Variants in ADAMTSL1 observed in about 807,000 individuals in gnomAD.
ADAMTSL1 encodes ADAMTS-like protein 1.
In ADAMTSL1, 126 loss-of-function variants were observed where a neutral mutation model predicts 201.8. The ratio of observed to expected loss-of-function variants is 0.62; its 90% CI spans 0.54 to 0.72. The LOEUF (loss-of-function observed/expected upper bound fraction) is 0.72. Ranked by LOEUF, ADAMTSL1 falls within the 30% of genes least tolerant of loss-of-function variation. The probability of loss-of-function intolerance (pLI) is 0.00; values close to 1 mark genes in which losing one functional copy is unlikely to be tolerated. For missense variants in ADAMTSL1, 2,679 were observed against 2,277.8 expected, an observed-to-expected ratio of 1.18 and a Z score of -3.59; for synonymous variants, 1,121 against 903.4, an observed-to-expected ratio of 1.24 and a Z score of -4.32.
intron 4 of ADAMTSL1, among the ~76,000 whole-genome samples, chr9:18,612,617 G>T (rs1022617356): frequency 6.6e-6 from 1 of 152,106 alleles, no homozygotes; most frequent in Admixed American, 6.6e-5. Context: ...ACAAGCAATG[G>T]GGAAAGGATT....
At position 18,888,160 on chromosome 9, in the gene ADAMTSL1, A is replaced by G. The variant is rs1348031911; in HGVS notation, c.4462+117A>G. On this transcript the variant is annotated intron_variant, in intron 24 of 28. Coordinates refer to ENST00000380548, the MANE Select transcript of ADAMTSL1 (RefSeq NM_001040272.6). ...CTCCAGTGGTACTCAAGGCATGAAA[A>G]CCAAAGCCATGCCATGTTTCCATAC... 1.1e-5 allele frequency: 12 copies of G among 1,080,320 alleles called. No individual in the cohort carries two copies. In the African/African-American group the frequency reaches 1.7e-4, roughly 16 times the overall value. 66.9% of individuals were successfully genotyped at this position (1,080,320 alleles called of 1,614,324 possible).
chr9:18,232,740 A>G (rs552474930), intron 2 of ADAMTSL1, among the ~76,000 whole-genome samples: 100 of 152,304 alleles, frequency 6.6e-4, no homozygotes, highest in Non-Finnish European at 1.1e-3. Context: ...TTCTGTATGT[A>G]CATGACAGCA....
At chr9:18,684,958 G>T in intron 13 of ADAMTSL1, 158 bp downstream of exon 13, 1 of 1,393,126 alleles carries the variant, frequency 7.2e-7, no homozygotes, top group Non-Finnish European at 9.3e-7. Flanking sequence ...GTTTCAAAAA[G>T]TGTTTGTCAA....
intron 2 of ADAMTSL1, among the ~76,000 whole-genome samples, chr9:18,441,505 T>G (rs1376871667): frequency 6.6e-6 from 1 of 152,004 alleles, no homozygotes; most frequent in Non-Finnish European, 1.5e-5. Context: ...GATCCAGTGC[T>G]TTTTTTCTGT....
At chr9:18,637,062 TATAA>T (rs139687725) in intron 6 of ADAMTSL1, among the ~76,000 whole-genome samples, 2,753 of 152,238 alleles carry the variant, frequency 0.018, 96 homozygotes, top group African/African-American at 0.062. Context: ...TCTTTCTAGA[TATAA>T]AAATAAATAC....
chr9:18,317,392 C>CAA lies in ADAMTSL1; in HGVS notation c.207+153412_207+153413dup, dbSNP rs1343821190. 4.9e-5 allele frequency among the ~76,000 whole-genome samples: 5 copies of CAA among 102,998 alleles called. No individual in the cohort carries two copies. The East Asian group carries it at 1.5e-3, about 31-fold the overall frequency. The allele number at this position is 102,998 out of a possible 152,430, so 67.6% of individuals were successfully genotyped here. ...TAAGAAAGTGTATCTTAAGTGTCCT[C>CAA]AACACACACACACACACACACACAC... On this transcript the variant is annotated intron_variant, in intron 2 of 29. Coordinates refer to the ADAMTSL1 transcript ENST00000680146.
At chr9:18,130,529 G>A (rs1825907514) in intron 1 of ADAMTSL1, among the ~76,000 whole-genome samples, 1 of 151,984 alleles carries the variant, frequency 6.6e-6, no homozygotes, top group Non-Finnish European at 1.5e-5. Context: ...TCCAAGGAGG[G>A]TCCAGACTTT....
At chr9:18,136,297 T>G (rs1350196114) in intron 1 of ADAMTSL1, among the ~76,000 whole-genome samples, 2 of 152,190 alleles carry the variant, frequency 1.3e-5, no homozygotes, top group Non-Finnish European at 2.9e-5. Flanking sequence ...TGCTCCCAGA[T>G]GATTTCAATG....
intron 15 of ADAMTSL1, among the ~76,000 whole-genome samples, chr9:18,748,725 C>G (rs1819285209): frequency 6.6e-6 from 1 of 152,218 alleles, no homozygotes; most frequent in Admixed American, 6.5e-5. Flanking sequence ...TACTACTGAA[C>G]ATCTGCCAGG....
chr9:17,965,484 T>C (rs1563922932), intron 1 of ADAMTSL1, among the ~76,000 whole-genome samples: 1 of 152,174 alleles, frequency 6.6e-6, no homozygotes, highest in Non-Finnish European at 1.5e-5. Flanking sequence ...TACTAACTGA[T>C]GTGCTATATT....
intron 1 of ADAMTSL1, among the ~76,000 whole-genome samples, chr9:17,998,959 G>T (rs1473550787): frequency 6.6e-6 from 1 of 151,796 alleles, no homozygotes; most frequent in African/African-American, 2.4e-5. Flanking sequence ...TTTTAAAGGG[G>T]TGATGATACA....
chr9:18,449,655 A>C (rs1820329029), intron 2 of ADAMTSL1, among the ~76,000 whole-genome samples: 1 of 152,200 alleles, frequency 6.6e-6, no homozygotes, highest in Non-Finnish European at 1.5e-5. Context: ...TGTGTCTAGA[A>C]TATGTAAAGA....
intron 1 of ADAMTSL1, among the ~76,000 whole-genome samples, chr9:18,078,977 C>T (rs1393425932): frequency 6.6e-6 from 1 of 152,148 alleles, no homozygotes; most frequent in African/African-American, 2.4e-5. Flanking sequence ...AGTTTATCAG[C>T]CTGTCTATCT....
At chr9:18,278,705 A>G (rs1832678086) in intron 2 of ADAMTSL1, among the ~76,000 whole-genome samples, 1 of 152,048 alleles carries the variant, frequency 6.6e-6, no homozygotes, top group Non-Finnish European at 1.5e-5. Flanking sequence ...TCCACTTCAG[A>G]CTTGGGATAT....
chr9:18,095,416 C>CTTTTTTTT lies in ADAMTSL1; in HGVS notation c.88-68429_88-68422dup, dbSNP rs35164794. The stretch of plus-strand genomic sequence containing the variant: ...TCCCTGATAAGTTTCTTCTTTCTTT[C>CTTTTTTTT]TTTTTTTTTTTTTTTTTTTTTTTTG... On this transcript the variant is annotated intron_variant, in intron 1 of 29. Transcript: ENST00000680146. Among the ~76,000 whole-genome samples the CTTTTTTTT allele has an allele frequency of 3.6e-3, 360 of 100,090 alleles. 1 individual carries two copies. Among genetic ancestry groups the CTTTTTTTT allele is most frequent in the Non-Finnish European group, 4.6e-3 (230 of 49,662 alleles). The allele number at this position is 100,090 out of a possible 152,430, so 65.7% of individuals were successfully genotyped here. A position where few individuals can be genotyped will look rare whatever the true frequency, so the allele number is the denominator to read the frequency against.
chr9:18,714,527 T>C lies in ADAMTSL1; in HGVS notation c.1877-7009T>C, dbSNP rs1246519251. Among the ~76,000 whole-genome samples the C allele has an allele frequency of 2.7e-5, 3 of 112,732 alleles. No homozygotes were observed. In the East Asian group the frequency reaches 8.1e-4, roughly 31 times the overall value. The allele number at this position is 112,732 out of a possible 152,430, so 74.0% of individuals were successfully genotyped here. On this transcript the variant is annotated intron_variant, in intron 14 of 28. Coordinates refer to ENST00000380548, the MANE Select transcript of ADAMTSL1 (RefSeq NM_001040272.6). ...TGGATAAATTCCTCAACACATACAC[T>C]CTCCCAAGACTAAACCAGGAAGAAG...
At chr9:18,847,468 A>C (rs1826198881) in intron 23 of ADAMTSL1, among the ~76,000 whole-genome samples, 1 of 152,272 alleles carries the variant, frequency 6.6e-6, no homozygotes, top group Non-Finnish European at 1.5e-5. Context: ...ATACAGAAGC[A>C]AATGGCATCA....
intron 15 of ADAMTSL1, among the ~76,000 whole-genome samples, chr9:18,727,108 A>G (rs531675749): frequency 7.2e-5 from 11 of 152,346 alleles, no homozygotes; most frequent in African/African-American, 2.4e-4. Flanking sequence ...AATGATTTCC[A>G]ATTTCCAATT....
intron 26 of ADAMTSL1, among the ~76,000 whole-genome samples, chr9:18,900,159 G>C (rs957914629): frequency 6.6e-6 from 1 of 152,144 alleles, no homozygotes; most frequent in Non-Finnish European, 1.5e-5. Flanking sequence ...CATTCATGTG[G>C]CCAACAGTCA....
Sources: allele counts gnomAD v4.1 joint callset (sites outside exome capture counted in the v4.1 genomes callset), GRCh38; gene constraint gnomAD v4.1.1; transcripts MANE v1.5; gene names NCBI Gene and HGNC (gene_info 2026-07-23, HGNC 2026-07-21).